PKIB: variants seen among roughly 807,000 people sequenced by gnomAD.
The protein encoded by PKIB is cAMP-dependent protein kinase inhibitor beta.
Under a neutral mutation model 4.5 loss-of-function variants are expected in PKIB, and 2 were observed. The observed-to-expected ratio is 0.44, with a 90% CI of 0.18 to 1.39. The LOEUF is 1.39. PKIB is among the 40% of genes most tolerant of loss of function. The pLI is 0.27. For missense variants in PKIB, 94 were observed against 92.6 expected (o/e 1.02, Z -0.06); for synonymous variants, 38 against 36.0 (o/e 1.06, Z -0.20).
intron 2 of PKIB, among the ~76,000 whole-genome samples, chr6:122,556,474 T>C (rs964449027): frequency 2.0e-5 from 3 of 152,210 alleles, no homozygotes; most frequent in Non-Finnish European, 2.9e-5. Context: ...GACATGCTAT[T>C]CTGATCTATG....
At chr6:122,579,589 T>A (rs1582711758) in intron 2 of PKIB, among the ~76,000 whole-genome samples, 1 of 152,194 alleles carries the variant, frequency 6.6e-6, no homozygotes, top group East Asian at 1.9e-4. Flanking sequence ...CAAAGTATTA[T>A]TTTTTAAAAT....
At chr6:122,619,964 T>TC (rs958622642) in intron 1 of PKIB, among the ~76,000 whole-genome samples, 8 of 152,168 alleles carry the variant, frequency 5.3e-5, no homozygotes, top group Non-Finnish European at 7.3e-5. Flanking sequence ...AGCTTGACTC[T>TC]CCCCTGGGTA....
intron 2 of PKIB, among the ~76,000 whole-genome samples, chr6:122,486,296 G>A (rs1775765352): frequency 6.6e-6 from 1 of 152,118 alleles, no homozygotes; most frequent in Non-Finnish European, 1.5e-5. Context: ...CCCTAAACCA[G>A]TCGCAATTCA....
At chr6:122,706,099 A>G (rs1437783550) in intron 3 of PKIB, among the ~76,000 whole-genome samples, 1 of 152,090 alleles carries the variant, frequency 6.6e-6, no homozygotes, top group African/African-American at 2.4e-5. Context: ...TTTAGCTTAC[A>G]GATATTTCTC....
At chr6:122,597,909 T>C (rs1417209225) in intron 3 of PKIB, among the ~76,000 whole-genome samples, 1 of 152,138 alleles carries the variant, frequency 6.6e-6, no homozygotes, top group Admixed American at 6.5e-5. Context: ...CGTAAGCCCC[T>C]ACTTTAACTG....
chr6:122,628,091 C>G (rs1223536396), intron 1 of PKIB, among the ~76,000 whole-genome samples: 1 of 150,126 alleles, frequency 6.7e-6, no homozygotes, highest in Non-Finnish European at 1.5e-5. Flanking sequence ...GGCTGGAGTG[C>G]AATGGCGCAA....
At chr6:122,632,055 G>T (rs563501744) in intron 1 of PKIB, among the ~76,000 whole-genome samples, 1 of 152,348 alleles carries the variant, frequency 6.6e-6, no homozygotes, top group East Asian at 1.9e-4. Flanking sequence ...GGTGAGAAAT[G>T]TCATAACCCC....
At chr6:122,476,974 C>T (rs566077542) in intron 1 of PKIB, among the ~76,000 whole-genome samples, 52 of 151,996 alleles carry the variant, frequency 3.4e-4, no homozygotes, top group Non-Finnish European at 6.9e-4. Flanking sequence ...TCAGCACCTT[C>T]CAATAGAAAT....
At chr6:122,718,820 T>C (rs1421744922) in intron 4 of PKIB, among the ~76,000 whole-genome samples, 2 of 152,288 alleles carry the variant, frequency 1.3e-5, no homozygotes, top group South Asian at 2.1e-4. Flanking sequence ...CAAATGTTCC[T>C]GGTTCATTCT....
chr6:122,634,236 A>T (rs1775821989), intron 2 of PKIB, among the ~76,000 whole-genome samples: 1 of 152,106 alleles, frequency 6.6e-6, no homozygotes, highest in Admixed American at 6.6e-5. Flanking sequence ...GAGGGATAAC[A>T]TTAGGAGAAA....
chr6:122,723,704 C>T (rs1779830666), intron 4 of PKIB, among the ~76,000 whole-genome samples: 2 of 152,120 alleles, frequency 1.3e-5, no homozygotes, highest in Non-Finnish European at 2.9e-5. Context: ...TCCCCACTAT[C>T]TATATAGAAT....
At chr6:122,565,302 A>G (rs1773154256) in intron 2 of PKIB, among the ~76,000 whole-genome samples, 1 of 152,088 alleles carries the variant, frequency 6.6e-6, no homozygotes, top group Non-Finnish European at 1.5e-5. Context: ...CTTCCCCTAG[A>G]TTCTATTCTT....
At chr6:122,543,006 A>T (rs1777655816) in intron 2 of PKIB, among the ~76,000 whole-genome samples, 1 of 151,912 alleles carries the variant, frequency 6.6e-6, no homozygotes, top group South Asian at 2.1e-4. Flanking sequence ...TGGGCATACG[A>T]CCCTCTGAGC....
upstream of PKIB, among the ~76,000 whole-genome samples, chr6:122,608,315 C>T (rs559505797): frequency 9.2e-5 from 14 of 152,330 alleles, no homozygotes; most frequent in South Asian, 2.5e-3. Context: ...TCACTTGGCA[C>T]AATCCCAAAG....
chr6:122,580,573 C>G (rs1021933958), intron 2 of PKIB, among the ~76,000 whole-genome samples: 6 of 152,060 alleles, frequency 3.9e-5, no homozygotes, highest in Non-Finnish European at 7.4e-5. Flanking sequence ...AGGGTTTGCC[C>G]CATCTCAGAT....
chr6:122,520,665 A>ACCCCCCCCCCCC (rs10650320), intron 2 of PKIB, among the ~76,000 whole-genome samples: 1 of 107,988 alleles, frequency 9.3e-6, no homozygotes, highest in Non-Finnish European at 1.9e-5. Flanking sequence ...TTATGTTCCC[A>ACCCCCCCCCCCC]CCCCCCCCCC....
intron 2 of PKIB, among the ~76,000 whole-genome samples, chr6:122,570,226 T>C (rs1773319956): frequency 1.3e-5 from 2 of 152,144 alleles, no homozygotes; most frequent in Non-Finnish European, 2.9e-5. Flanking sequence ...AGCTGGGAAG[T>C]AGATGCCTTC....
intron 3 of PKIB, among the ~76,000 whole-genome samples, chr6:122,678,806 A>G (rs1192871383): frequency 6.6e-6 from 1 of 152,236 alleles, no homozygotes; most frequent in East Asian, 1.9e-4. Flanking sequence ...AGAGGAGGTG[A>G]CATTGGTCTG....
intron 1 of PKIB, among the ~76,000 whole-genome samples, chr6:122,631,348 T>A (rs549889285): frequency 3.9e-5 from 6 of 152,316 alleles, no homozygotes; most frequent in Admixed American, 2.0e-4. Context: ...TTTTTTAGAT[T>A]CAGAATGTCT....
Sources: gnomAD v4.1 joint callset for allele counts (sites outside exome capture counted in the v4.1 genomes callset) on GRCh38, gnomAD v4.1.1 for gene constraint, MANE v1.5 for transcripts, NCBI Gene and HGNC (gene_info 2026-07-23, HGNC 2026-07-21) for gene names.